Variants in EWSR1 observed in about 807,000 individuals in gnomAD.
The protein encoded by EWSR1 is EWS RNA binding protein 1.
Under a neutral mutation model 92.1 loss-of-function variants are expected in EWSR1, and 14 were observed. That is an observed-to-expected ratio of 0.15 (90% confidence interval 0.10 to 0.24). The LOEUF is 0.24. Ranked by LOEUF, EWSR1 falls within the 10% of genes least tolerant of loss-of-function variation. The pLI is 1.00. For missense variants in EWSR1, 637 were observed against 870.9 expected (o/e 0.73, Z 3.38); for synonymous variants, 303 against 292.9 (o/e 1.03, Z -0.35).
chr22:29,291,848 A>C, intron 9 of EWSR1: 4 of 576,138 alleles, frequency 6.9e-6, no homozygotes, highest in Non-Finnish European at 1.2e-5. Context: ...AATTTGGTTT[A>C]TTTAGAGGAA....
intron 11 of EWSR1, among the ~76,000 whole-genome samples, chr22:29,294,335 G>A (rs921177285): frequency 3.9e-5 from 6 of 152,038 alleles, no homozygotes; most frequent in African/African-American, 1.2e-4. Flanking sequence ...GGCCGGGCGC[G>A]GTAGCTCACG....
chr22:29,268,504 C>T (rs968550987), intron 1 of EWSR1, among the ~76,000 whole-genome samples, 155 bp downstream of exon 1: 1 of 152,202 alleles, frequency 6.6e-6, no homozygotes, highest in Admixed American at 6.5e-5. Context: ...ATCCGCATTC[C>T]TCTCCCCTCC....
intron 2 of EWSR1, 35 bp from the exon 3 acceptor site, chr22:29,272,345 C>T: frequency 1.2e-6 from 2 of 1,611,206 alleles, no homozygotes; most frequent in African/African-American, 1.3e-5. Flanking sequence ...TTTGAATGTT[C>T]TCTATTCAAG....
chr22:29,272,099 G>A, intron 1 of EWSR1, 117 bp from the exon 2 acceptor site: 1 of 877,040 alleles, frequency 1.1e-6, no homozygotes, highest in Non-Finnish European at 1.9e-6. Flanking sequence ...GACCTGTGTT[G>A]GCAGGTCTCC....
At chr22:29,281,632 G>A (rs2059610708) in intron 5 of EWSR1, among the ~76,000 whole-genome samples, 1 of 151,950 alleles carries the variant, frequency 6.6e-6, no homozygotes, top group African/African-American at 2.4e-5. Flanking sequence ...CCAGGCTGGA[G>A]TGCAGTGGCG....
At chr22:29,288,265 G>A (rs2060198818) in intron 7 of EWSR1, among the ~76,000 whole-genome samples, 1 of 152,170 alleles carries the variant, frequency 6.6e-6, no homozygotes, top group African/African-American at 2.4e-5. Context: ...ACCTGGCTCT[G>A]TTTTCATTTC....
chr22:29,273,724 G>GT lies in EWSR1; in HGVS notation c.103-8dup, dbSNP rs553148334. On this transcript the variant is annotated splice_polypyrimidine_tract_variant and intron_variant, in intron 3 of 16. Transcript: ENST00000397938. ...GTTCATGTATGAAGTTCTTGCATTC[G>GT]TTTTTTTTTGGAGCAGGCATATGGG... 27,543 of 1,535,974 alleles carry GT rather than the reference G, an allele frequency of 0.018. 243 individuals are homozygous for GT. The highest frequency in any genetic ancestry group is 0.019 in the Non-Finnish European group (21,465 of 1,131,660).
chr22:29,292,466 C>T (rs888766059), intron 10 of EWSR1, 22 bp from the exon 11 acceptor site: 1 of 1,485,392 alleles, frequency 6.7e-7, no homozygotes, highest in Non-Finnish European at 9.4e-7. Flanking sequence ...TAATAATTCT[C>T]CTGTCTTGTT....
chr22:29,273,685 G>T, intron 3 of EWSR1, 56 bp from the exon 4 acceptor site: 3 of 1,574,872 alleles, frequency 1.9e-6, no homozygotes, highest in Non-Finnish European at 8.6e-7. Context: ...CCATTTTATT[G>T]CTAAAATACA....
intron 1 of EWSR1, chr22:29,269,363 C>T (rs1481047220): frequency 6.6e-6 from 1 of 152,220 alleles, no homozygotes; most frequent in Non-Finnish European, 1.5e-5. Flanking sequence ...AAGCAAGCCC[C>T]GGTTGGGAAC....
At chr22:29,286,859 G>T in intron 6 of EWSR1, 64 bp from the exon 7 acceptor site, 2 of 1,265,350 alleles carry the variant, frequency 1.6e-6, no homozygotes, top group Non-Finnish European at 2.3e-6. Flanking sequence ...TTTATTCAGG[G>T]GATTTGAAAT....
intron 5 of EWSR1, among the ~76,000 whole-genome samples, chr22:29,281,684 C>T (rs1326030819): frequency 1.3e-5 from 2 of 152,074 alleles, no homozygotes; most frequent in Admixed American, 1.3e-4. Flanking sequence ...GGGTTCACGC[C>T]ATTCTCCTGC....
intron 4 of EWSR1, chr22:29,274,406 G>C: frequency 9.3e-7 from 1 of 1,069,846 alleles, no homozygotes; most frequent in Non-Finnish European, 1.4e-6. Flanking sequence ...CACACAGCAA[G>C]GTGCTAATGA....
chr22:29,293,654 T>A (rs1017548792), intron 11 of EWSR1, among the ~76,000 whole-genome samples: 1 of 152,136 alleles, frequency 6.6e-6, no homozygotes, highest in African/African-American at 2.4e-5. Context: ...AGCCTCTGGC[T>A]CCTGGGTTCA....
chr22:29,295,899 A>G (rs910892713), intron 11 of EWSR1: 2 of 289,758 alleles, frequency 6.9e-6, no homozygotes, highest in African/African-American at 4.3e-5. Context: ...ATGTGGTGGT[A>G]TCAAAGTCTG....
Position 29,296,268 on chromosome 22 carries a change from C to T in EWSR1, c.1194C>T (p.Ile398=). 1 of 1,614,142 alleles carries T rather than the reference C, an allele frequency of 6.2e-7. No homozygotes were observed. The highest frequency in any genetic ancestry group is 8.5e-7 in the Non-Finnish European group (1 of 1,180,010). The change falls in exon 12 of 17, where the codon ATC becomes ATT. Residue 398 remains isoleucine (I), a synonymous_variant. Coordinates refer to ENST00000397938, the MANE Select transcript of EWSR1 (RefSeq NM_005243.4). ...KMNKRTGQPM[I]HIYLDKETGK... ...ACAAGAGAACTGGGCAACCCATGAT[C>T]CACATCTACCTGGACAAGGAAACAG...
intron 5 of EWSR1, among the ~76,000 whole-genome samples, chr22:29,280,879 T>TG (rs1569073273): frequency 5.9e-5 from 6 of 101,256 alleles, no homozygotes; most frequent in Non-Finnish European, 8.3e-5. Flanking sequence ...TTTTTTTTTT[T>TG]TTTTTTTTTT....
chr22:29,285,630 T>C (rs2059966495), intron 6 of EWSR1, among the ~76,000 whole-genome samples: 1 of 151,318 alleles, frequency 6.6e-6, no homozygotes, highest in Admixed American at 6.6e-5. Flanking sequence ...CTACTATTTT[T>C]GTGTTGAGTA....
chr22:29,299,255 C>T lies in EWSR1; in HGVS notation c.1602C>T (p.Phe534=), dbSNP rs138837921. Residue 534 remains phenylalanine, a synonymous_variant, in exon 15 of 17, where the codon TTC becomes TTT. Transcript: ENST00000397938. Reference sequence around the variant, plus strand: ...GCAGGGGTTGTGGAAACCAGAACTTCGCCTGGAGAACAGAGTGCAACCAGT... The same window carrying T: ...GCAGGGGTTGTGGAAACCAGAACTTTGCCTGGAGAACAGAGTGCAACCAGT... ...CPNPGCGNQN[F]AWRTECNQCK... 6.8e-5 allele frequency: 110 copies of T among 1,614,102 alleles called. No individual in the cohort carries two copies. Among genetic ancestry groups the T allele is most frequent in the Admixed American group, 1.0e-4 (6 of 60,018 alleles).
Sources: allele counts gnomAD v4.1 joint callset (sites outside exome capture counted in the v4.1 genomes callset), GRCh38; gene constraint gnomAD v4.1.1; transcripts MANE v1.5; gene names NCBI Gene and HGNC (gene_info 2026-07-23, HGNC 2026-07-21).